The following CACNA1C variants were observed in gnomAD, a reference collection of about 807,000 sequenced individuals.
CACNA1C encodes the protein voltage-dependent L-type calcium channel subunit alpha-1C.
Under a neutral mutation model 229.0 loss-of-function variants are expected in CACNA1C, and 30 were observed. That is an observed-to-expected ratio of 0.13 (90% CI 0.10 to 0.18). CACNA1C has a LOEUF of 0.18. Ranked by LOEUF, CACNA1C falls within the 10% of genes least tolerant of loss-of-function variation. The pLI is 1.00. For synonymous variants in CACNA1C, 1,114 were observed against 1,132.5 expected, an observed-to-expected ratio of 0.98 and a Z score of 0.33; for missense variants, 1,658 against 2,845.0, an observed-to-expected ratio of 0.58 and a Z score of 9.49.
chr12:2,549,837 C>A, intron 9 of CACNA1C, 106 bp from the exon 10 acceptor site: 2 of 787,736 alleles, frequency 2.5e-6, no homozygotes, highest in Non-Finnish European at 2.2e-6. Context: ...CTCTTTCTGC[C>A]AACCCGCACT....
intron 2 of CACNA1C, among the ~76,000 whole-genome samples, chr12:2,119,603 C>G (rs2085594247): frequency 6.6e-6 from 1 of 152,162 alleles, no homozygotes; most frequent in Non-Finnish European, 1.5e-5. Flanking sequence ...CAGCACACAC[C>G]AAGGAAAAAT....
At chr12:2,257,902 T>C (rs984029057) in intron 3 of CACNA1C, among the ~76,000 whole-genome samples, 11 of 152,382 alleles carry the variant, frequency 7.2e-5, no homozygotes, top group African/African-American at 2.6e-4. Context: ...ATCACTGATA[T>C]TTTTTGACCT....
intron 5 of CACNA1C, among the ~76,000 whole-genome samples, chr12:2,475,325 G>T (rs2283312): frequency 0.36 from 53,901 of 151,530 alleles, 10,876 homozygotes; most frequent in East Asian, 0.7. Context: ...GAAAAGAAAA[G>T]AAGGTTTCAT....
Position 2,252,665 on chromosome 12 carries a change from A to G in CACNA1C, c.477+132235A>G, listed in dbSNP as rs80024427. 6.9e-3 allele frequency among the ~76,000 whole-genome samples: 1,046 copies of G among 152,286 alleles called. 9 individuals are homozygous for G. Among genetic ancestry groups the G allele is most frequent in the African/African-American group, 0.023 (947 of 41,560 alleles). ...GGTTCCAGGAGATTATTCAGGTTCT[A>G]TGTAGAGCAAATTCCAGATCAGATG... On this transcript the variant is annotated intron_variant, in intron 3 of 46. Transcript: ENST00000399655.
rs147991705 is a variant in CACNA1C, at chr12:2,235,481, A to G, written c.477+115051A>G. 3.4e-3 allele frequency among the ~76,000 whole-genome samples: 524 copies of G among 152,258 alleles called. 1 individual carries two copies. The highest frequency in any genetic ancestry group is 0.012 in the African/African-American group (484 of 41,556). On this transcript the variant is annotated intron_variant, in intron 3 of 46. Transcript: ENST00000399655. ...TCACCCAGAAAATCATGGGTTAGAT[A>G]TTTTTAAATTGCTGGCTTATTTTGC...
At chr12:2,042,775 A>T (rs2050348716) in intron 1 of CACNA1C, among the ~76,000 whole-genome samples, 1 of 152,200 alleles carries the variant, frequency 6.6e-6, no homozygotes, top group Non-Finnish European at 1.5e-5. Context: ...CACATATGAA[A>T]GTTGAGGGTC....
chr12:2,460,018 A>G (rs928411189), intron 5 of CACNA1C, among the ~76,000 whole-genome samples: 1 of 152,210 alleles, frequency 6.6e-6, no homozygotes, highest in Admixed American at 6.5e-5. Flanking sequence ...AACCAGCAAC[A>G]TTTACACCTG....
At chr12:2,622,557 T>C (rs527845178) in intron 29 of CACNA1C, among the ~76,000 whole-genome samples, 1 of 152,242 alleles carries the variant, frequency 6.6e-6, no homozygotes, top group Non-Finnish European at 1.5e-5. Context: ...GGCCCTTTCC[T>C]TTTCCCAGCT....
rs775780324 is a variant in CACNA1C at position 2,602,503 on chromosome 12, ATGTG to A, written c.2960+549_2960+552del. ...TGGATGTGTGTTTGTGGCTGTGTGT[ATGTG>A]TGTGTATGTATGTGTTTGTGTTTGT... On this transcript the variant is annotated intron_variant, in intron 22 of 46. Coordinates refer to ENST00000399655, the MANE Select transcript of CACNA1C (RefSeq NM_000719.7). This position sits in a 1 kb window ranked among gnomAD's most constrained non-coding sequence, Gnocchi z 4.4. Among the ~76,000 whole-genome samples the A allele has an allele frequency of 2.0e-5, 3 of 151,326 alleles. No individual in the cohort carries two copies. Among genetic ancestry groups the A allele is most frequent in the Non-Finnish European group, 4.4e-5 (3 of 67,792 alleles).
intron 7 of CACNA1C, among the ~76,000 whole-genome samples, chr12:2,495,454 G>A (rs2099744759): frequency 6.6e-6 from 1 of 152,212 alleles, no homozygotes; most frequent in Non-Finnish European, 1.5e-5. Flanking sequence ...GTGGAGGGTA[G>A]GAATAGATAT....
rs556036434 is a variant in CACNA1C, at chr12:2,602,631, TGTGTGTG to T, written c.2960+672_2960+678del. Among the ~76,000 whole-genome samples, 1,574 of 38,316 alleles carry T rather than the reference TGTGTGTG, an allele frequency of 0.041. 18 individuals are homozygous for T. The highest frequency in any genetic ancestry group is 0.094 in the African/African-American group (1,114 of 11,822). The allele number at this position is 38,316 out of a possible 152,430, so 25.1% of individuals were successfully genotyped here. On this transcript the variant is annotated intron_variant, in intron 22 of 46. Transcript: ENST00000399655. This position sits in a 1 kb window ranked among gnomAD's most constrained non-coding sequence, Gnocchi z 4.4. ...TGTGTGACTGTGTATATTTGTGTCT[TGTGTGTG>T]TGTGTGTGTGTGTGTGTGTGTGTGT... is the stretch of plus-strand genomic sequence containing the variant.
At chr12:2,619,605 C>T (rs771360789) in intron 29 of CACNA1C, among the ~76,000 whole-genome samples, 8 of 152,044 alleles carry the variant, frequency 5.3e-5, no homozygotes, top group Non-Finnish European at 7.3e-5. Flanking sequence ...CTATCACTCC[C>T]CTTTCCTGTG....
chr12:2,497,983 A>G (rs2099750482), intron 7 of CACNA1C, among the ~76,000 whole-genome samples: 1 of 151,806 alleles, frequency 6.6e-6, no homozygotes, highest in South Asian at 2.1e-4. Flanking sequence ...ACACACACAC[A>G]CACACACACA....
chr12:2,476,430 T>A (rs2099628871), intron 5 of CACNA1C, among the ~76,000 whole-genome samples: 1 of 152,264 alleles, frequency 6.6e-6, no homozygotes, highest in Admixed American at 6.5e-5. Flanking sequence ...TCATTTCTTT[T>A]ATCTGTATTA....
At chr12:2,572,513 C>A in intron 13 of CACNA1C, among the ~76,000 whole-genome samples, 1 of 88,260 alleles carries the variant, frequency 1.1e-5, no homozygotes, top group Non-Finnish European at 2.3e-5. Flanking sequence ...TGCTCCTTCT[C>A]CTCTTCCTCC....
At chr12:2,207,815 T>C (rs1447757939) in intron 3 of CACNA1C, among the ~76,000 whole-genome samples, 1 of 146,332 alleles carries the variant, frequency 6.8e-6, no homozygotes, top group African/African-American at 2.5e-5. Context: ...AGCCAGACCC[T>C]GTCTCAAAAA....
At position 2,666,468 on chromosome 12, in the gene CACNA1C, A is replaced by AAATG. The variant is rs1399941144; in HGVS notation, c.4527-216_4527-213dup. 1 of 448,852 alleles carries AAATG rather than the reference A, an allele frequency of 2.2e-6. No homozygotes were observed. The highest frequency in any genetic ancestry group is 3.9e-6 in the Non-Finnish European group (1 of 254,564). The allele number at this position is 448,852 out of a possible 1,614,324, so 27.8% of individuals were successfully genotyped here. ...CCACCTTGAACATAGCATGGGCAGA[A>AAATG]AATGATTCATTAAAATCTAAACACG... On this transcript the variant is annotated intron_variant, in intron 36 of 46. Coordinates refer to ENST00000399655, the MANE Select transcript of CACNA1C (RefSeq NM_000719.7). This position sits in a 1 kb window ranked among gnomAD's most constrained non-coding sequence, Gnocchi z 5.3.
Position 2,489,120 on chromosome 12 carries a change from C to CT in CACNA1C, c.916+2865dup, listed in dbSNP as rs200166654. Among the ~76,000 whole-genome samples the CT allele has an allele frequency of 5.9e-3, 901 of 152,092 alleles. 5 individuals carry two copies. Among genetic ancestry groups the CT allele is most frequent in the African/African-American group, 0.02 (827 of 41,472 alleles). On this transcript the variant is annotated intron_variant, in intron 6 of 46. Coordinates refer to ENST00000399655, the MANE Select transcript of CACNA1C (RefSeq NM_000719.7). ...AATTTTTTTCTTTCTTTCTTTCTTT[C>CT]TTTTTTTAAAATTTCAGACTTTGGA...
chr12:2,027,404 T>C (rs2047518779), intron 1 of CACNA1C, among the ~76,000 whole-genome samples: 1 of 152,248 alleles, frequency 6.6e-6, no homozygotes, highest in Non-Finnish European at 1.5e-5. Context: ...AATGCTTAAA[T>C]GCTTAACAGT....
Sources: allele counts gnomAD v4.1 joint callset (sites outside exome capture counted in the v4.1 genomes callset), GRCh38; gene constraint gnomAD v4.1.1; non-coding constraint Gnocchi (gnomAD v3.1); transcripts MANE v1.5; gene names NCBI Gene and HGNC (gene_info 2026-07-23, HGNC 2026-07-21).